PCDHGA1: variants seen among roughly 807,000 people sequenced by gnomAD.
PCDHGA1 encodes protocadherin gamma subfamily A, 1, also known as protocadherin gamma-A1.
Under a neutral mutation model 58.0 loss-of-function variants are expected in PCDHGA1, and 32 were observed. That is an observed-to-expected ratio of 0.55 (90% CI 0.42 to 0.74). PCDHGA1 has a LOEUF of 0.74. Among genes scored for constraint, PCDHGA1 ranks in the 30% least tolerant of loss-of-function variants. PCDHGA1 has a pLI of 0.00. For missense variants in PCDHGA1, 1,205 were observed against 1,182.3 expected, an observed-to-expected ratio of 1.02 and a Z score of -0.28; for synonymous variants, 498 against 501.1, an observed-to-expected ratio of 0.99 and a Z score of 0.08.
At position 141,489,646 on chromosome 5, in the gene PCDHGA1, C is replaced by A. The variant is rs1274955075; in HGVS notation, c.2422-5161C>A. 1.2e-6 allele frequency: 2 copies of A among 1,614,186 alleles called. No homozygotes were observed. The highest frequency in any genetic ancestry group is 2.7e-5 in the African/African-American group (2 of 75,048). On this transcript the variant is annotated intron_variant, in intron 1 of 3. Coordinates refer to ENST00000517417, the MANE Select transcript of PCDHGA1 (RefSeq NM_018912.3). This position sits in a 1 kb window ranked among gnomAD's most constrained non-coding sequence, Gnocchi z 4.5. Reference sequence around the variant, plus strand: ...TGACAACTCTCCTAGCTTTGCCACCCCTGAGCGAGAGATGCGCATCTCAGA... The same window carrying A: ...TGACAACTCTCCTAGCTTTGCCACCACTGAGCGAGAGATGCGCATCTCAGA...
At chr5:141,345,171 G>A (rs1481815885) in intron 1 of PCDHGA1, 2 of 1,613,828 alleles carry the variant, frequency 1.2e-6, no homozygotes, top group Non-Finnish European at 1.7e-6. Context: ...TGGGCAGAAT[G>A]GGCAGGTTGA....
chr5:141,393,003 G>A (rs1202314944), intron 1 of PCDHGA1: 1 of 1,613,882 alleles, frequency 6.2e-7, no homozygotes, highest in East Asian at 2.2e-5. Flanking sequence ...GAAGCACGGA[G>A]TCCGTATCGT....
chr5:141,343,608 G>A (rs1047554548), intron 1 of PCDHGA1, among the ~76,000 whole-genome samples: 3 of 152,220 alleles, frequency 2.0e-5, no homozygotes, highest in Non-Finnish European at 2.9e-5. Context: ...TAAGGTTAGT[G>A]CATGGATTCC....
intron 1 of PCDHGA1, chr5:141,357,583 C>T (rs756550703): frequency 1.9e-6 from 3 of 1,614,188 alleles, no homozygotes; most frequent in Non-Finnish European, 1.7e-6. Context: ...TCTGATAACT[C>T]AGGATTTACT....
intron 1 of PCDHGA1, among the ~76,000 whole-genome samples, chr5:141,483,466 A>C (rs1212605130): frequency 6.6e-6 from 1 of 152,188 alleles, no homozygotes. Context: ...GTTGATTGAC[A>C]TGATATAGGA....
chr5:141,400,646 CTGTCCT>C, intron 1 of PCDHGA1: 1 of 1,222,508 alleles, frequency 8.2e-7, no homozygotes, highest in South Asian at 1.4e-5. Flanking sequence ...GCTCAGAAAG[CTGTCCT>C]ACCATTCTTT....
rs563654735 is a variant in PCDHGA1 at position 141,365,009 on chromosome 5, C to T, written c.2421+31904C>T. On this transcript the variant is annotated intron_variant, in intron 1 of 3. Coordinates refer to ENST00000517417, the MANE Select transcript of PCDHGA1 (RefSeq NM_018912.3). ...AGACCCGGTACTCTCCGGCACCACG[C>T]ACATCCGTGTTACGGTCCTCGACGC... The T allele has an allele frequency of 7.4e-5, 119 of 1,613,926 alleles. No homozygotes were observed. The East Asian group carries it at 2.6e-3, about 36-fold the overall frequency.
chr5:141,500,871 T>C (rs2154592764), intron 2 of PCDHGA1, among the ~76,000 whole-genome samples: 1 of 135,840 alleles, frequency 7.4e-6, no homozygotes, highest in African/African-American at 3.0e-5. Context: ...TACACATTCA[T>C]TTACAATTTT....
rs1184241141 is a variant in PCDHGA1, at chr5:141,332,590, G to T, written c.1906G>T (p.Asp636Tyr). Reference protein sequence around the residue: ...VRTARALLDRDALKQSLVVAV... With the variant: ...VRTARALLDRYALKQSLVVAV... ...CACGGCGCGAGCCCTGCTGGACAGA[G>T]ACGCGCTCAAGCAGAGTCTCGTGGT... Residue 636 changes from aspartate to tyrosine, a missense_variant, in exon 1 of 4, where the codon GAC becomes TAC. By Grantham distance (160) the Asp-to-Tyr change is radical. Coordinates refer to ENST00000517417, the MANE Select transcript of PCDHGA1 (RefSeq NM_018912.3). The surrounding 1 kb of genome is among the most constrained non-coding windows in gnomAD (Gnocchi z 4.6). The T allele has an allele frequency of 1.9e-6, 3 of 1,612,722 alleles. No individual in the cohort carries two copies. Among genetic ancestry groups the T allele is most frequent in the South Asian group, 1.1e-5 (1 of 91,004 alleles).
At chr5:141,347,112 CTCCT>C (rs753513852) in intron 1 of PCDHGA1, among the ~76,000 whole-genome samples, 5 of 80,984 alleles carry the variant, frequency 6.2e-5, no homozygotes, top group African/African-American at 2.5e-4. Context: ...TCTCTCTTTC[CTCCT>C]TCCTTCCTTC....
At position 141,429,460 on chromosome 5, in the gene PCDHGA1, C is replaced by T. The variant is rs528924726; in HGVS notation, c.2422-65347C>T. The stretch of plus-strand genomic sequence containing the variant: ...AAACTCTTGGGCTACAGTAATCCTC[C>T]CACCTCAATCTCCAGAGTAGCTGAG... On this transcript the variant is annotated intron_variant, in intron 1 of 3. Transcript: ENST00000517417. Among the ~76,000 whole-genome samples the T allele has an allele frequency of 1.6e-4, 25 of 151,938 alleles. 1 individual carries two copies. The South Asian group carries it at 4.6e-3, about 28-fold the overall frequency.
Position 141,405,419 on chromosome 5 carries a change from TTTG to T in PCDHGA1, c.2421+72317_2421+72319del, listed in dbSNP as rs372094745. On this transcript the variant is annotated intron_variant, in intron 1 of 3. Transcript: ENST00000517417. ...CTTTCTTTCTTTTCTTTTTTTGTTT[TTTG>T]TTTTGTTTTGTTTTTGAGACAGAGT... The T allele has an allele frequency of 6.8e-4, 1,019 of 1,509,010 alleles. 10 individuals are homozygous for T. In the African/African-American group the frequency reaches 0.012, roughly 18 times the overall value. The allele number at this position is 1,509,010 out of a possible 1,614,324, so 93.5% of individuals were successfully genotyped here.
chr5:141,489,150 T>C lies in PCDHGA1; in HGVS notation c.2422-5657T>C. The C allele has an allele frequency of 1.7e-5, 15 of 862,654 alleles. No individual in the cohort carries two copies. Among genetic ancestry groups the C allele is most frequent in the Middle Eastern group, 2.5e-4 (1 of 4,044 alleles). 53.4% of individuals were successfully genotyped at this position (862,654 alleles called of 1,614,324 possible). On this transcript the variant is annotated intron_variant, in intron 1 of 3. Transcript: ENST00000517417. The surrounding 1 kb of genome is among the most constrained non-coding windows in gnomAD (Gnocchi z 4.5). ...GTTTTTAAGAGGCTGGAAGGAGACA[T>C]AAGAGACTTCAGCTGCTGCATTCCA...
intron 1 of PCDHGA1, chr5:141,418,028 A>C (rs767425160): frequency 1.2e-6 from 2 of 1,613,970 alleles, no homozygotes; most frequent in East Asian, 4.5e-5. Context: ...TCTAGGGCTT[A>C]GTGTCCTGGA....
chr5:141,434,924 A>G (rs2097731722), intron 1 of PCDHGA1, among the ~76,000 whole-genome samples: 1 of 151,756 alleles, frequency 6.6e-6, no homozygotes, highest in African/African-American at 2.4e-5. Context: ...ATGTACATAT[A>G]TTTTATATAA....
chr5:141,364,466 G>C (rs1391136210), intron 1 of PCDHGA1: 2 of 1,613,872 alleles, frequency 1.2e-6, no homozygotes, highest in Non-Finnish European at 8.5e-7. Flanking sequence ...CTCCTTCGTC[G>C]GCAACATAGC....
chr5:141,375,599 T>A (rs1352335566), intron 1 of PCDHGA1: 1 of 1,614,126 alleles, frequency 6.2e-7, no homozygotes, highest in East Asian at 2.2e-5. Context: ...CTCCTACGTG[T>A]CCATCAACTC....
chr5:141,392,597 C>G (rs761805266), intron 1 of PCDHGA1: 11 of 501,346 alleles, frequency 2.2e-5, no homozygotes, highest in Non-Finnish European at 3.8e-5. Context: ...TGTTCACCTA[C>G]TGGAAGACAA....
At chr5:141,389,014 A>G (rs768171301) in intron 1 of PCDHGA1, 54 of 1,614,000 alleles carry the variant, frequency 3.3e-5, no homozygotes, top group Non-Finnish European at 4.5e-5. Flanking sequence ...TCCAGACACA[A>G]TGGAGAAGTG....
Sources: allele counts gnomAD v4.1 joint callset (sites outside exome capture counted in the v4.1 genomes callset), GRCh38; gene constraint gnomAD v4.1.1; non-coding constraint Gnocchi (gnomAD v3.1); transcripts MANE v1.5; gene names NCBI Gene and HGNC (gene_info 2026-07-23, HGNC 2026-07-21).